The following KLF8 variants were observed in gnomAD, a reference collection of about 807,000 sequenced individuals.
KLF8 encodes Krueppel-like factor 8.
KLF8 carries 10 observed loss-of-function variants against 18.2 expected under a neutral mutation model. That is an observed-to-expected ratio of 0.55 (90% CI 0.34 to 0.93). The LOEUF (loss-of-function observed/expected upper bound fraction) is 0.93. Among genes scored for constraint, KLF8 ranks in the 40% least tolerant of loss-of-function variants. The probability of loss-of-function intolerance (pLI) is 0.02; values close to 1 mark genes in which losing one functional copy is unlikely to be tolerated. For synonymous variants in KLF8, 109 were observed against 97.3 expected (o/e 1.12, Z -0.71); for missense variants, 264 against 277.9 (o/e 0.95, Z 0.36).
At chrX:56,222,627 G>A in the KLF8 span, among the ~76,000 whole-genome samples, 10 of 113,021 alleles carry the variant, frequency 8.8e-5, no homozygotes, top group African/African-American at 2.9e-4. Context: ...TTGGGCGGTC[G>A]ATGGGACTGG....
the KLF8 span, among the ~76,000 whole-genome samples, chrX:56,129,385 TC>T: frequency 1.3e-3 from 142 of 112,117 alleles, no homozygotes; most frequent in African/African-American, 4.5e-3. Context: ...GATTGTCCAC[TC>T]CCGAGCACAC....
chrX:56,284,175 A>G lies in KLF8; in HGVS notation c.899-138A>G, dbSNP rs2067241064. 6 of 433,482 alleles carry G rather than the reference A, an allele frequency of 1.4e-5. No homozygotes were observed. The South Asian group carries it at 3.2e-4, about 23-fold the overall frequency. The allele number at this position is 433,482 out of a possible 1,213,427, so 35.7% of individuals were successfully genotyped here. On this transcript the variant is annotated intron_variant, in intron 5 of 5. Coordinates refer to ENST00000468660, the MANE Select transcript of KLF8 (RefSeq NM_007250.5). The stretch of plus-strand genomic sequence containing the variant: ...CTCAATCAATTAATTAACTTAAAAG[A>G]TTTACAGGCATATGCCTTCAAGGTT...
At chrX:55,987,567 A>T in the KLF8 span, among the ~76,000 whole-genome samples, 2 of 112,029 alleles carry the variant, frequency 1.8e-5, no homozygotes, top group African/African-American at 6.5e-5. Context: ...TCCATGGTGT[A>T]TATGTGCCAC....
intron 1 of KLF8, among the ~76,000 whole-genome samples, chrX:56,244,877 C>T (rs1207347079): frequency 8.9e-6 from 1 of 112,223 alleles, no homozygotes; most frequent in Non-Finnish European, 1.9e-5. Flanking sequence ...TTAAGATCTT[C>T]CTAAGTGATT....
rs776873576 is a variant in KLF8 at position 56,243,560 on chromosome X, G to A, written c.8-6671G>A. On this transcript the variant is annotated intron_variant, in intron 1 of 5. Coordinates refer to ENST00000468660, the MANE Select transcript of KLF8 (RefSeq NM_007250.5). ...TTTTTTTTTTTTTTTTTTTTGAGAC[G>A]GAGTCTCACTCTGTCTCCCAGACTA... 6.0e-3 allele frequency among the ~76,000 whole-genome samples: 464 copies of A among 77,502 alleles called. 5 individuals carry two copies. Among genetic ancestry groups the A allele is most frequent in the Non-Finnish European group, 9.3e-3 (389 of 41,762 alleles). 67.3% of individuals were successfully genotyped at this position (77,502 alleles called of 115,157 possible).
chrX:56,283,123 C>T (rs755303577), intron 5 of KLF8, among the ~76,000 whole-genome samples: 4 of 111,142 alleles, frequency 3.6e-5, no homozygotes, highest in South Asian at 7.5e-4. Flanking sequence ...GGTCATACTG[C>T]GTTAATTTTT....
chrX:56,270,103 G>A, intron 4 of KLF8, 79 bp from the exon 5 acceptor site: 2 of 955,973 alleles, frequency 2.1e-6, no homozygotes, highest in Non-Finnish European at 2.9e-6. Flanking sequence ...ATATGATGTG[G>A]CACCAATGAA....
At chrX:56,002,467 C>A in the KLF8 span, among the ~76,000 whole-genome samples, 5 of 108,841 alleles carry the variant, frequency 4.6e-5, no homozygotes, top group Non-Finnish European at 9.5e-5. Flanking sequence ...AAGTGTCTAC[C>A]TTCCTCCAGT....
At chrX:56,196,742 C>A in the KLF8 span, among the ~76,000 whole-genome samples, 22 of 111,747 alleles carry the variant, frequency 2.0e-4, no homozygotes, top group Admixed American at 9.5e-5. Flanking sequence ...CTGCACCAAG[C>A]AGATCTAATA....
chrX:56,195,624 A>G, the KLF8 span, among the ~76,000 whole-genome samples: 2 of 112,386 alleles, frequency 1.8e-5, no homozygotes, highest in South Asian at 3.7e-4. Context: ...CCTGAAAGTG[A>G]TGGGGAGAAT....
the KLF8 span, among the ~76,000 whole-genome samples, chrX:56,092,411 C>T: frequency 9.0e-6 from 1 of 111,239 alleles, no homozygotes; most frequent in Non-Finnish European, 1.9e-5. Context: ...TTTATGTTTT[C>T]TCCTAATATT....
At chrX:55,993,718 G>T in the KLF8 span, among the ~76,000 whole-genome samples, 1 of 111,022 alleles carries the variant, frequency 9.0e-6, no homozygotes. Flanking sequence ...TATGGCTGTG[G>T]ATTCTTATGG....
the KLF8 span, among the ~76,000 whole-genome samples, chrX:55,988,672 C>T: frequency 3.2e-4 from 36 of 111,317 alleles, no homozygotes; most frequent in Non-Finnish European, 2.1e-4. Flanking sequence ...TTAGGAATGA[C>T]GTGGCGATGT....
the KLF8 span, among the ~76,000 whole-genome samples, chrX:56,130,348 G>A: frequency 8.1e-5 from 9 of 111,737 alleles, no homozygotes; most frequent in Non-Finnish European, 1.5e-4. Flanking sequence ...ACAGCCCCCA[G>A]TACCAGACCA....
intron 2 of KLF8, among the ~76,000 whole-genome samples, chrX:56,253,540 G>C (rs964762955): frequency 8.2e-5 from 9 of 110,226 alleles, no homozygotes; most frequent in African/African-American, 3.0e-4. Context: ...CTTTATTTCT[G>C]GGTTCTCTAT....
the KLF8 span, among the ~76,000 whole-genome samples, chrX:56,064,990 G>A: frequency 1.2e-4 from 13 of 111,261 alleles, no homozygotes; most frequent in Middle Eastern, 4.6e-3. Flanking sequence ...CTTTATATGC[G>A]CCTTTATGTG....
chrX:56,277,949 G>T (rs2067144120), intron 5 of KLF8, among the ~76,000 whole-genome samples: 1 of 112,528 alleles, frequency 8.9e-6, no homozygotes, highest in Non-Finnish European at 1.9e-5. Flanking sequence ...AGGCTTACAG[G>T]GAGTACTTCC....
At chrX:56,032,368 T>C in the KLF8 span, among the ~76,000 whole-genome samples, 4 of 111,407 alleles carry the variant, frequency 3.6e-5, no homozygotes, top group Non-Finnish European at 7.5e-5. Context: ...ATTTATTCTT[T>C]TTACATCTAC....
the KLF8 span, among the ~76,000 whole-genome samples, chrX:56,169,782 G>T: frequency 8.9e-6 from 1 of 112,091 alleles, no homozygotes; most frequent in Non-Finnish European, 1.9e-5. Flanking sequence ...ATGAAAGGAA[G>T]GACACAAGCA....
Sources: allele counts gnomAD v4.1 joint callset (sites outside exome capture counted in the v4.1 genomes callset), GRCh38; gene constraint gnomAD v4.1.1; transcripts MANE v1.5; gene names NCBI Gene and HGNC (gene_info 2026-07-23, HGNC 2026-07-21).